Variants in TIMP3 observed in about 807,000 individuals in gnomAD.
TIMP3 encodes TIMP metallopeptidase inhibitor 3.
In TIMP3, 11 loss-of-function variants were observed where a neutral mutation model predicts 30.0. The ratio of observed to expected loss-of-function variants is 0.37; its 90% CI spans 0.23 to 0.61. The LOEUF is 0.61. TIMP3 is among the 20% of genes least tolerant of loss of function. TIMP3 has a pLI of 0.70. For synonymous variants in TIMP3, 112 were observed against 111.3 expected (o/e 1.01, Z -0.04); for missense variants, 181 against 276.8 (o/e 0.65, Z 2.45).
chr22:32,834,247 G>A (rs1003874822), intron 1 of TIMP3, among the ~76,000 whole-genome samples: 23 of 152,162 alleles, frequency 1.5e-4, no homozygotes, highest in Admixed American at 1.4e-3. Flanking sequence ...CCGCCTCCAA[G>A]GTTCAAGCCA....
At chr22:32,807,994 C>G (rs961255444) in intron 1 of TIMP3, among the ~76,000 whole-genome samples, 12 of 151,798 alleles carry the variant, frequency 7.9e-5, no homozygotes, top group African/African-American at 2.7e-4. Flanking sequence ...TTCTTTTTGT[C>G]TCTTTGAAAG....
chr22:32,858,442 A>C (rs1352528291), intron 4 of TIMP3, among the ~76,000 whole-genome samples: 1 of 152,094 alleles, frequency 6.6e-6, no homozygotes, highest in East Asian at 1.9e-4. Flanking sequence ...TCAAGGCTGG[A>C]GGTATAGGAT....
intron 3 of TIMP3, 76 bp downstream of exon 3, chr22:32,857,436 G>T: frequency 9.1e-7 from 1 of 1,100,574 alleles, no homozygotes; most frequent in Non-Finnish European, 1.4e-6. Flanking sequence ...GAACACATAC[G>T]GAGTAGTTGA....
At chr22:32,835,673 G>A (rs2146161043) in intron 1 of TIMP3, among the ~76,000 whole-genome samples, 1 of 152,204 alleles carries the variant, frequency 6.6e-6, no homozygotes, top group Admixed American at 6.5e-5. Flanking sequence ...ATACTTGTTC[G>A]CCCCTTGCCA....
intron 1 of TIMP3, among the ~76,000 whole-genome samples, chr22:32,842,960 C>G (rs2146206077): frequency 6.6e-6 from 1 of 152,302 alleles, no homozygotes; most frequent in Middle Eastern, 3.4e-3. Flanking sequence ...AGGTATCAAT[C>G]TTCTTCTCTG....
chr22:32,851,304 G>A (rs1206277760), intron 2 of TIMP3, among the ~76,000 whole-genome samples: 1 of 152,218 alleles, frequency 6.6e-6, no homozygotes, highest in Non-Finnish European at 1.5e-5. Flanking sequence ...AAATAGCTGG[G>A]AGGCAGCAGT....
At chr22:32,813,191 G>A (rs2046959448) in intron 1 of TIMP3, among the ~76,000 whole-genome samples, 1 of 152,086 alleles carries the variant, frequency 6.6e-6, no homozygotes, top group African/African-American at 2.4e-5. Context: ...CCATTCTCTT[G>A]GTTTCCATTT....
rs118071878 is a variant in TIMP3, at chr22:32,837,707, A to G, written c.122-11745A>G. 1.4e-3 allele frequency among the ~76,000 whole-genome samples: 206 copies of G among 152,238 alleles called. No homozygotes were observed. Among genetic ancestry groups the G allele is most frequent in the Admixed American group, 3.6e-3 (55 of 15,292 alleles). On this transcript the variant is annotated intron_variant, in intron 1 of 4. Coordinates refer to ENST00000266085, the MANE Select transcript of TIMP3 (RefSeq NM_000362.5). The surrounding 1 kb of genome is among the most constrained non-coding windows in gnomAD (Gnocchi z 4.1). ...TTGGACACCCATTTGGATACATGCAATCCTAAAGTCTATGGGCAGTGACAG... is the reference window on the plus strand; with the variant it reads ...TTGGACACCCATTTGGATACATGCAGTCCTAAAGTCTATGGGCAGTGACAG...
At chr22:32,850,300 C>T (rs936736668) in intron 2 of TIMP3, among the ~76,000 whole-genome samples, 4 of 151,994 alleles carry the variant, frequency 2.6e-5, no homozygotes, top group African/African-American at 7.2e-5. Flanking sequence ...TTTCCTGGGC[C>T]GCAGTTTTGC....
chr22:32,803,332 G>C (rs1034446737), intron 1 of TIMP3, among the ~76,000 whole-genome samples: 37 of 152,124 alleles, frequency 2.4e-4, no homozygotes, highest in Admixed American at 2.0e-3. Flanking sequence ...GTGGTGAGGA[G>C]GGGGAGGAGG....
intron 1 of TIMP3, among the ~76,000 whole-genome samples, chr22:32,841,220 AC>A (rs1439559977): frequency 2.0e-5 from 3 of 152,230 alleles, no homozygotes; most frequent in African/African-American, 4.8e-5. Context: ...AAAGCAAAGA[AC>A]CTGCTGCCCG....
In TIMP3 at chr22:32,844,869, C is replaced by A. The variant is rs143640652; in HGVS notation, c.122-4583C>A. Among the ~76,000 whole-genome samples the A allele has an allele frequency of 3.3e-5, 5 of 152,140 alleles. No homozygotes were observed. In the East Asian group the frequency reaches 9.7e-4, roughly 29 times the overall value. On this transcript the variant is annotated intron_variant, in intron 1 of 4. Transcript: ENST00000266085. ...GAGACTACAGATACACGGCACCATG[C>A]CTGGCTAATTGTTTTAAATTTTTAT...
At chr22:32,824,358 ATT>A (rs130289) in intron 1 of TIMP3, among the ~76,000 whole-genome samples, 2 of 148,970 alleles carry the variant, frequency 1.3e-5, no homozygotes, top group East Asian at 2.0e-4. Flanking sequence ...ACAGATTACT[ATT>A]TTTTTTTTGT....
rs1180914446 is a variant in TIMP3, at chr22:32,837,429, C to G, written c.122-12023C>G. ...AGCTTTTGAGAGGTCAGCATGCCCC[C>G]TTAAACTTGATGTCTCCTCAGAGCA... On this transcript the variant is annotated intron_variant, in intron 1 of 4. Coordinates refer to ENST00000266085, the MANE Select transcript of TIMP3 (RefSeq NM_000362.5). This position sits in a 1 kb window ranked among gnomAD's most constrained non-coding sequence, Gnocchi z 4.1. Among the ~76,000 whole-genome samples, 1 of 152,120 alleles carries G rather than the reference C, an allele frequency of 6.6e-6. No homozygotes were observed. Among genetic ancestry groups the G allele is most frequent in the Non-Finnish European group, 1.5e-5 (1 of 68,026 alleles).
intron 1 of TIMP3, among the ~76,000 whole-genome samples, chr22:32,813,572 A>C (rs1458309641): frequency 6.6e-6 from 1 of 151,162 alleles, no homozygotes; most frequent in African/African-American, 2.4e-5. Flanking sequence ...GGCCAGATTC[A>C]GCCTTGTGGG....
At chr22:32,814,356 A>G (rs1376280361) in intron 1 of TIMP3, among the ~76,000 whole-genome samples, 1 of 151,224 alleles carries the variant, frequency 6.6e-6, no homozygotes, top group Non-Finnish European at 1.5e-5. Context: ...AAAGAGAGAA[A>G]GAAAGAAAGA....
chr22:32,827,991 C>T (rs934257249), intron 1 of TIMP3, among the ~76,000 whole-genome samples: 19 of 152,182 alleles, frequency 1.2e-4, no homozygotes, highest in African/African-American at 4.6e-4. Context: ...GTCTATTCCC[C>T]TTTGCCTCCT....
chr22:32,819,070 G>A (rs2047165402), intron 1 of TIMP3, among the ~76,000 whole-genome samples: 1 of 152,272 alleles, frequency 6.6e-6, no homozygotes, highest in Non-Finnish European at 1.5e-5. Context: ...GGATCAAGGT[G>A]GAGCTGGATC....
chr22:32,814,162 G>GAA (rs1471441715), intron 1 of TIMP3, among the ~76,000 whole-genome samples: 2 of 128,042 alleles, frequency 1.6e-5, no homozygotes, highest in African/African-American at 6.2e-5. Flanking sequence ...GAGAGAGAGA[G>GAA]AGAGAAAGAG....
Sources: allele counts gnomAD v4.1 joint callset (sites outside exome capture counted in the v4.1 genomes callset), GRCh38; gene constraint gnomAD v4.1.1; non-coding constraint Gnocchi (gnomAD v3.1); transcripts MANE v1.5; gene names NCBI Gene and HGNC (gene_info 2026-07-23, HGNC 2026-07-21).